SRPK2: variants seen among roughly 807,000 people sequenced by gnomAD.
The protein encoded by SRPK2 is SFRS protein kinase 2.
SRPK2 carries 21 observed loss-of-function variants against 90.8 expected under a neutral mutation model. The ratio of observed to expected loss-of-function variants is 0.23; its 90% CI spans 0.16 to 0.33. The LOEUF is 0.33. SRPK2 is among the 10% of genes least tolerant of loss of function. The pLI, the probability that SRPK2 is intolerant of heterozygous loss-of-function variation, is 1.00. For missense variants in SRPK2, 620 were observed against 869.0 expected (o/e 0.71, Z 3.60); for synonymous variants, 288 against 311.1 (o/e 0.93, Z 0.78).
intron 7 of SRPK2, among the ~76,000 whole-genome samples, chr7:105,153,140 C>G (rs886321370): frequency 6.6e-6 from 1 of 152,092 alleles, no homozygotes; most frequent in Non-Finnish European, 1.5e-5. Context: ...GAGCCAGGGA[C>G]GTGACTCTCA....
chr7:105,181,164 T>G (rs1340783415), intron 3 of SRPK2, among the ~76,000 whole-genome samples: 2 of 152,114 alleles, frequency 1.3e-5, no homozygotes, highest in Admixed American at 6.5e-5. Context: ...GAAACCACGA[T>G]GAAACACCAT....
intron 3 of SRPK2, among the ~76,000 whole-genome samples, chr7:105,195,211 G>A (rs577527432): frequency 6.6e-6 from 1 of 152,238 alleles, no homozygotes; most frequent in East Asian, 1.9e-4. Flanking sequence ...CACCGTGCCC[G>A]GCTAATTTTT....
At chr7:105,233,343 G>A (rs1799750176) in intron 2 of SRPK2, among the ~76,000 whole-genome samples, 1 of 152,154 alleles carries the variant, frequency 6.6e-6, no homozygotes, top group Non-Finnish European at 1.5e-5. Flanking sequence ...CTTCATGGTA[G>A]CAATAAAAGC....
chr7:105,232,153 G>A (rs1438314943), intron 2 of SRPK2, among the ~76,000 whole-genome samples: 4 of 152,158 alleles, frequency 2.6e-5, no homozygotes, highest in African/African-American at 4.8e-5. Flanking sequence ...ACCACACCCA[G>A]ACTAAAATTT....
At chr7:105,225,999 C>T (rs1176613307) in intron 2 of SRPK2, among the ~76,000 whole-genome samples, 1 of 152,150 alleles carries the variant, frequency 6.6e-6, no homozygotes, top group Non-Finnish European at 1.5e-5. Flanking sequence ...TTCTACTGAA[C>T]AATGCTGCTT....
chr7:105,248,012 A>G (rs559735183), intron 2 of SRPK2, among the ~76,000 whole-genome samples: 1 of 151,592 alleles, frequency 6.6e-6, no homozygotes, highest in South Asian at 2.1e-4. Context: ...GCACCACCAC[A>G]CCCGATTAAT....
Position 105,347,856 on chromosome 7 carries a change from C to CA in SRPK2, c.71+40791dup, listed in dbSNP as rs748447917. Among the ~76,000 whole-genome samples, 774 of 87,646 alleles carry CA rather than the reference C, an allele frequency of 8.8e-3. 2 individuals are homozygous for CA. The highest frequency in any genetic ancestry group is 0.012 in the Non-Finnish European group (509 of 42,764). The allele number at this position is 87,646 out of a possible 152,430, so 57.5% of individuals were successfully genotyped here. On this transcript the variant is annotated intron_variant, in intron 2 of 15. Transcript: ENST00000393651. ...TGGGTGACAGGGCGAGACTCCGTCT[C>CA]AAAAAAAAAAAAAAAGAAAGAAAAG...
intron 7 of SRPK2, among the ~76,000 whole-genome samples, chr7:105,150,051 A>C (rs1040846400): frequency 6.7e-6 from 1 of 148,460 alleles, no homozygotes; most frequent in African/African-American, 2.5e-5. Context: ...GTAATTGGCC[A>C]AAAAAAAAAC....
chr7:105,353,503 T>TTTGTTGTTG (rs34789062), intron 2 of SRPK2, among the ~76,000 whole-genome samples: 2,516 of 146,168 alleles, frequency 0.017, 40 homozygotes, highest in East Asian at 0.068. Flanking sequence ...TCCAGCCCAG[T>TTTGTTGTTG]TTGTTGTTGT....
At chr7:105,311,335 C>T (rs892336417) in intron 2 of SRPK2, among the ~76,000 whole-genome samples, 3 of 152,130 alleles carry the variant, frequency 2.0e-5, no homozygotes, top group African/African-American at 7.2e-5. Context: ...TGGGTTTAAG[C>T]AATTCTCCTG....
chr7:105,216,867 C>T (rs1797536578), intron 2 of SRPK2, among the ~76,000 whole-genome samples: 1 of 152,134 alleles, frequency 6.6e-6, no homozygotes, highest in South Asian at 2.1e-4. Flanking sequence ...AAGCCAGTGA[C>T]CATTTCTCTA....
chr7:105,362,567 G>T (rs1818559053), intron 2 of SRPK2, among the ~76,000 whole-genome samples: 1 of 151,780 alleles, frequency 6.6e-6, no homozygotes, highest in Admixed American at 6.6e-5. Context: ...GAGAGGATGT[G>T]GAGAAATAGG....
chr7:105,194,490 T>C (rs1341325062), intron 3 of SRPK2, among the ~76,000 whole-genome samples: 1 of 152,112 alleles, frequency 6.6e-6, no homozygotes, highest in Non-Finnish European at 1.5e-5. Flanking sequence ...CACTAATAAA[T>C]AAGCAAACAG....
At chr7:105,310,589 G>A (rs113233026) in intron 2 of SRPK2, among the ~76,000 whole-genome samples, 1 of 152,010 alleles carries the variant, frequency 6.6e-6, no homozygotes, top group Non-Finnish European at 1.5e-5. Flanking sequence ...GGTTGTAGAA[G>A]CCGAGATCGC....
intron 7 of SRPK2, among the ~76,000 whole-genome samples, chr7:105,156,185 C>T (rs993473861): frequency 7.9e-5 from 12 of 152,246 alleles, no homozygotes; most frequent in East Asian, 1.9e-4. Flanking sequence ...CATTATATAA[C>T]GGCCAAAATG....
intron 3 of SRPK2, among the ~76,000 whole-genome samples, chr7:105,170,286 T>C (rs1790640892): frequency 6.6e-6 from 1 of 152,196 alleles, no homozygotes; most frequent in Admixed American, 6.5e-5. Context: ...ATTAATGGTT[T>C]ATTAATAACT....
At chr7:105,384,827 A>G (rs1821345533) in intron 2 of SRPK2, among the ~76,000 whole-genome samples, 1 of 150,620 alleles carries the variant, frequency 6.6e-6, no homozygotes, top group African/African-American at 2.4e-5. Context: ...ACTGCAGGCC[A>G]CTTCTGTTTC....
intron 2 of SRPK2, among the ~76,000 whole-genome samples, chr7:105,387,374 A>G (rs1286794957): frequency 6.6e-6 from 1 of 152,138 alleles, no homozygotes; most frequent in African/African-American, 2.4e-5. Context: ...GCTAGCACTA[A>G]TTTTTTTAAA....
At chr7:105,168,329 A>C (rs1366268168) in intron 4 of SRPK2, among the ~76,000 whole-genome samples, 1 of 152,218 alleles carries the variant, frequency 6.6e-6, no homozygotes, top group Non-Finnish European at 1.5e-5. Flanking sequence ...TATCGTATAA[A>C]ATTGCCTTCA....
Sources: allele counts gnomAD v4.1 joint callset (sites outside exome capture counted in the v4.1 genomes callset), GRCh38; gene constraint gnomAD v4.1.1; transcripts MANE v1.5; gene names NCBI Gene and HGNC (gene_info 2026-07-23, HGNC 2026-07-21).